POLR2C: variants seen among roughly 807,000 people sequenced by gnomAD.
The protein encoded by POLR2C is RNA polymerase II subunit C.
Under a neutral mutation model 41.7 loss-of-function variants are expected in POLR2C, and 36 were observed. The observed-to-expected ratio is 0.86, with a 90% CI of 0.66 to 1.14. The LOEUF (loss-of-function observed/expected upper bound fraction) is 1.14, where lower values mean the gene tolerates loss of function less well. POLR2C is among the 50% of genes most tolerant of loss of function. The pLI, the probability that POLR2C is intolerant of heterozygous loss-of-function variation, is 0.00. For synonymous variants in POLR2C, 133 were observed against 137.8 expected (o/e 0.96, Z 0.25); for missense variants, 260 against 350.4 (o/e 0.74, Z 2.06).
At chr16:57,470,157 G>T (rs1302781721) in intron 7 of POLR2C, 28 bp downstream of exon 7, 10 of 1,604,744 alleles carry the variant, frequency 6.2e-6, no homozygotes, top group Middle Eastern at 1.7e-4. Flanking sequence ...GTGATGGCAG[G>T]CATTTGGGGT....
chr16:57,467,378 A>T (rs1173482929), intron 4 of POLR2C, among the ~76,000 whole-genome samples: 2 of 152,216 alleles, frequency 1.3e-5, no homozygotes, highest in East Asian at 3.8e-4. Context: ...TAAATAAAAC[A>T]TAGATATTGG....
intron 2 of POLR2C, among the ~76,000 whole-genome samples, chr16:57,464,468 C>A (rs1279508395): frequency 1.3e-5 from 2 of 152,164 alleles, no homozygotes; most frequent in Non-Finnish European, 1.5e-5. Flanking sequence ...CCACTCTGCT[C>A]CAGGTGCTTA....
chr16:57,470,933 C>T (rs767656131), intron 8 of POLR2C, 42 bp from the exon 9 acceptor site: 1 of 1,602,620 alleles, frequency 6.2e-7, no homozygotes. Context: ...TCGGGTCGGC[C>T]AGCCTGCCTC....
chr16:57,465,765 G>A (rs906684979), intron 2 of POLR2C, 188 bp from the exon 3 acceptor site: 8 of 560,582 alleles, frequency 1.4e-5, no homozygotes, highest in African/African-American at 1.3e-4. Flanking sequence ...ACCTGGGCAG[G>A]GAGGTGAGGT....
In POLR2C at chr16:57,470,147, G is replaced by T. The variant is rs770401017; in HGVS notation, c.608+18G>T. 1 of 1,607,110 alleles carries T rather than the reference G, an allele frequency of 6.2e-7. No individual in the cohort carries two copies. The highest frequency in any genetic ancestry group is 8.5e-7 in the Non-Finnish European group (1 of 1,176,568). On this transcript the variant is annotated intron_variant, in intron 7 of 8. Coordinates refer to ENST00000219252, the MANE Select transcript of POLR2C (RefSeq NM_032940.3). ...GAGGAATGGTATGTTCCCCTTAGGA[G>T]TGATGGCAGGCATTTGGGGTGGGTG... is the stretch of plus-strand genomic sequence containing the variant.
chr16:57,463,232 C>T (rs2030623989), intron 2 of POLR2C, 154 bp downstream of exon 2: 3 of 711,054 alleles, frequency 4.2e-6, no homozygotes, highest in Non-Finnish European at 7.5e-6. Context: ...TACCCTGTGC[C>T]CTTGGCTCAG....
Position 57,469,869 on chromosome 16 carries a change from A to G in POLR2C, c.440-92A>G. ...AAAATTGGCTTTAGACCGTTTTTCC[A>G]GATGTGTGTGGTCTTGCAGTGGCAC... On this transcript the variant is annotated intron_variant, in intron 6 of 8. Transcript: ENST00000219252. The surrounding 1 kb of genome is among the most constrained non-coding windows in gnomAD (Gnocchi z 5.8). The G allele has an allele frequency of 6.3e-7, 1 of 1,577,900 alleles. No individual in the cohort carries two copies. Among genetic ancestry groups the G allele is most frequent in the South Asian group, 1.1e-5 (1 of 90,362 alleles).
chr16:57,464,251 G>A (rs2030651099), intron 2 of POLR2C, among the ~76,000 whole-genome samples: 2 of 152,186 alleles, frequency 1.3e-5, no homozygotes, highest in South Asian at 4.1e-4. Flanking sequence ...CATGAAAGTG[G>A]CAGGCATGGT....
At chr16:57,462,942 C>T (rs1416227221) in intron 1 of POLR2C, 87 bp from the exon 2 acceptor site, 4 of 1,247,934 alleles carry the variant, frequency 3.2e-6, no homozygotes, top group Non-Finnish European at 4.5e-6. Flanking sequence ...CCCCCTGCAC[C>T]AGGGCTTTAG....
Position 57,466,034 on chromosome 16 carries a change from T to A in POLR2C, c.205+13T>A, listed in dbSNP as rs755831935. ...GCTCACAGGCTTGGTGAGTACTCCT[T>A]TTACTAGGAGGTTAAAGGGAGGGTA... On this transcript the variant is annotated intron_variant, in intron 3 of 8. Transcript: ENST00000219252. The A allele has an allele frequency of 4.5e-6, 7 of 1,556,110 alleles. No homozygotes were observed. The highest frequency in any genetic ancestry group is 6.2e-6 in the Non-Finnish European group (7 of 1,127,304).
In POLR2C at chr16:57,462,962, C is replaced by T. The variant is rs1408405570; in HGVS notation, c.87-67C>T. 8.2e-6 allele frequency: 12 copies of T among 1,468,158 alleles called. No individual in the cohort carries two copies. The East Asian group carries it at 2.0e-4, about 25-fold the overall frequency. The allele number at this position is 1,468,158 out of a possible 1,614,324, so 90.9% of individuals were successfully genotyped here. A position where few individuals can be genotyped will look rare whatever the true frequency, so the allele number is the denominator to read the frequency against. The stretch of plus-strand genomic sequence containing the variant: ...TGCACCAGGGCTTTAGCTTTGGGAG[C>T]CTGCGGCGCGGGCCCAGCCTGTCGA... On this transcript the variant is annotated intron_variant, in intron 1 of 8. Transcript: ENST00000219252.
chr16:57,463,022 C>A lies in POLR2C; in HGVS notation c.87-7C>A. On this transcript the variant is annotated splice_region_variant and splice_polypyrimidine_tract_variant and intron_variant, in intron 1 of 8. Coordinates refer to ENST00000219252, the MANE Select transcript of POLR2C (RefSeq NM_032940.3). The stretch of plus-strand genomic sequence containing the variant: ...GCCTTCACGCCCCTTGGCTTTTGAT[C>A]TTTCAGGGTGGCCAATTCGATTCGG... The A allele has an allele frequency of 6.2e-7, 1 of 1,611,748 alleles. No individual in the cohort carries two copies. The highest frequency in any genetic ancestry group is 8.5e-7 in the Non-Finnish European group (1 of 1,179,026).
intron 8 of POLR2C, 50 bp from the exon 9 acceptor site, chr16:57,470,925 G>C: frequency 6.3e-7 from 1 of 1,596,968 alleles, no homozygotes; most frequent in Non-Finnish European, 8.6e-7. Flanking sequence ...GCCAGAGCTC[G>C]GGTCGGCCAG....
intron 2 of POLR2C, 159 bp downstream of exon 2, chr16:57,463,237 G>A: frequency 1.4e-6 from 1 of 690,272 alleles, no homozygotes; most frequent in East Asian, 2.7e-5. Context: ...TGTGCCCTTG[G>A]CTCAGTGGCC....
chr16:57,468,193 A>AT (rs1361338241), intron 4 of POLR2C, among the ~76,000 whole-genome samples: 1 of 152,024 alleles, frequency 6.6e-6, no homozygotes, highest in Non-Finnish European at 1.5e-5. Context: ...ATTTTTTTGT[A>AT]TTTTTTGTAG....
intron 4 of POLR2C, among the ~76,000 whole-genome samples, chr16:57,467,799 A>T (rs781524391): frequency 2.6e-5 from 4 of 151,972 alleles, no homozygotes; most frequent in Non-Finnish European, 4.4e-5. Context: ...CAATATTCAG[A>T]TTTTCCTAGT....
chr16:57,469,594 G>A lies in POLR2C; in HGVS notation c.388-116G>A, dbSNP rs145427785. The A allele has an allele frequency of 5.9e-5, 54 of 919,014 alleles. No homozygotes were observed. In the African/African-American group the frequency reaches 7.0e-4, roughly 12 times the overall value. 56.9% of individuals were successfully genotyped at this position (919,014 alleles called of 1,614,324 possible). A position where few individuals can be genotyped will look rare whatever the true frequency, so the allele number is the denominator to read the frequency against. ...CTGGGGGCATCTGTGCCACCACCTC[G>A]TCAGGTGTTCGTTCCCTGGTTGACA... On this transcript the variant is annotated intron_variant, in intron 5 of 8. Coordinates refer to ENST00000219252, the MANE Select transcript of POLR2C (RefSeq NM_032940.3). This position sits in a 1 kb window ranked among gnomAD's most constrained non-coding sequence, Gnocchi z 5.8.
chr16:57,463,675 C>T (rs745555341), intron 2 of POLR2C: 6 of 452,794 alleles, frequency 1.3e-5, no homozygotes, highest in South Asian at 7.8e-5. Flanking sequence ...TTCCAGGCCG[C>T]GCTCGCGCCT....
intron 4 of POLR2C, among the ~76,000 whole-genome samples, chr16:57,466,929 G>A (rs371837954): frequency 1.3e-5 from 2 of 152,132 alleles, no homozygotes; most frequent in East Asian, 3.8e-4. Context: ...AAATATGTGT[G>A]TATTTTTAAA....
Sources: gnomAD v4.1 joint callset for allele counts (sites outside exome capture counted in the v4.1 genomes callset) on GRCh38, gnomAD v4.1.1 for gene constraint, Gnocchi (gnomAD v3.1) non-coding constraint, MANE v1.5 for transcripts, NCBI Gene and HGNC (gene_info 2026-07-23, HGNC 2026-07-21) for gene names.